The following KAZN variants were observed in gnomAD, a reference collection of about 807,000 sequenced individuals.
KAZN encodes kazrin, periplakin interacting protein.
In KAZN, 40 loss-of-function variants were observed where a neutral mutation model predicts 87.4. The observed-to-expected ratio is 0.46, with a 90% CI of 0.36 to 0.60. The LOEUF (loss-of-function observed/expected upper bound fraction) is 0.60. KAZN is among the 20% of genes least tolerant of loss of function. The pLI is 0.00. For missense variants in KAZN, 898 were observed against 1,073.9 expected, an observed-to-expected ratio of 0.84 and a Z score of 2.29; for synonymous variants, 466 against 458.3, an observed-to-expected ratio of 1.02 and a Z score of -0.22.
At chr1:14,363,914 T>G (rs1659734046) in intron 2 of KAZN, among the ~76,000 whole-genome samples, 1 of 151,374 alleles carries the variant, frequency 6.6e-6, no homozygotes, top group Non-Finnish European at 1.5e-5. Flanking sequence ...TGCGTGTATG[T>G]GTGTATGTAT....
intron 1 of KAZN, among the ~76,000 whole-genome samples, chr1:14,138,707 C>T (rs1286884119): frequency 6.6e-6 from 1 of 152,242 alleles, no homozygotes; most frequent in African/African-American, 2.4e-5. Context: ...ATCGCACCAT[C>T]TCCATCCATG....
intron 2 of KAZN, among the ~76,000 whole-genome samples, chr1:14,491,396 G>A (rs2148408565): frequency 6.6e-6 from 1 of 152,234 alleles, no homozygotes; most frequent in East Asian, 1.9e-4. Flanking sequence ...GTGGTTTGCT[G>A]CACCCATCAA....
rs541319020 is a variant in KAZN at position 14,101,034 on chromosome 1, A to G, written c.92-79401A>G. Among the ~76,000 whole-genome samples the G allele has an allele frequency of 1.8e-4, 28 of 152,306 alleles. No homozygotes were observed. In the South Asian group the frequency reaches 2.5e-3, roughly 14 times the overall value. ...ATAATCGTGAGGCTTCCCCAGCCAC[A>G]TGGAACTGTGAGTTCTCCATTAAAC... On this transcript the variant is annotated intron_variant, in intron 1 of 16. Transcript: ENST00000636203.
intron 1 of KAZN, among the ~76,000 whole-genome samples, chr1:13,990,832 G>A (rs955669445): frequency 1.3e-5 from 2 of 152,204 alleles, no homozygotes; most frequent in Non-Finnish European, 1.5e-5. Context: ...TGCAATAAAT[G>A]TTAATTGTAG....
chr1:14,664,018 T>C (rs1639353493), intron 1 of KAZN, among the ~76,000 whole-genome samples: 1 of 152,258 alleles, frequency 6.6e-6, no homozygotes, highest in Non-Finnish European at 1.5e-5. Context: ...TGACACATGC[T>C]ACCAGATGGG....
At chr1:14,538,694 C>T (rs919845393) in intron 2 of KAZN, among the ~76,000 whole-genome samples, 2 of 152,140 alleles carry the variant, frequency 1.3e-5, no homozygotes, top group African/African-American at 4.8e-5. Context: ...TAGCAGAGGC[C>T]CTGATGCGCC....
chr1:14,376,169 A>G (rs1356844684), intron 2 of KAZN, among the ~76,000 whole-genome samples: 4 of 152,210 alleles, frequency 2.6e-5, no homozygotes, highest in African/African-American at 9.7e-5. Flanking sequence ...CATCTCAATC[A>G]TCATCGAAAG....
At chr1:14,097,131 T>A (rs1294692752) in intron 1 of KAZN, among the ~76,000 whole-genome samples, 1 of 152,078 alleles carries the variant, frequency 6.6e-6, no homozygotes, top group Non-Finnish European at 1.5e-5. Context: ...AAGGTGGAAG[T>A]TGGAAAGTAT....
At chr1:14,963,555 G>A (rs1664129519) in intron 2 of KAZN, among the ~76,000 whole-genome samples, 3 of 152,314 alleles carry the variant, frequency 2.0e-5, no homozygotes, top group South Asian at 2.1e-4. Flanking sequence ...AGTCAGATCT[G>A]GGGGCTTGAA....
intron 1 of KAZN, among the ~76,000 whole-genome samples, chr1:14,829,706 G>A (rs1647001165): frequency 6.6e-6 from 1 of 152,258 alleles, no homozygotes; most frequent in African/African-American, 2.4e-5. Context: ...AGAATGATGT[G>A]TGTGAAGGTC....
chr1:14,198,497 G>A (rs1031549316), intron 2 of KAZN, among the ~76,000 whole-genome samples: 1 of 152,184 alleles, frequency 6.6e-6, no homozygotes, highest in Non-Finnish European at 1.5e-5. Context: ...CTACTCAGGA[G>A]GCTGAGGCAC....
chr1:13,916,669 T>C (rs1429909494), intron 1 of KAZN, among the ~76,000 whole-genome samples: 2 of 152,122 alleles, frequency 1.3e-5, no homozygotes. Flanking sequence ...AGAGCTGTAA[T>C]CAGGATAGCT....
intron 1 of KAZN, among the ~76,000 whole-genome samples, chr1:13,954,738 G>A (rs962405378): frequency 5.3e-5 from 8 of 152,162 alleles, no homozygotes; most frequent in Non-Finnish European, 1.0e-4. Context: ...CTACCTCCAT[G>A]CAATTGCCCA....
chr1:14,621,815 C>G (rs146178222), intron 1 of KAZN, among the ~76,000 whole-genome samples: 6 of 152,124 alleles, frequency 3.9e-5, no homozygotes, highest in African/African-American at 1.4e-4. Context: ...ACTGTGAGGC[C>G]CCCCCTCAAC....
Position 14,054,422 on chromosome 1 carries a change from GGTAGACT to G in KAZN, c.92-126011_92-126005del, listed in dbSNP as rs1557437101. ...CCCTGTAGGCCACTTTGGCATTTTT[GGTAGACT>G]GAATTTGAGTAAATGAAGATGAGAT... On this transcript the variant is annotated intron_variant, in intron 1 of 16. Transcript: ENST00000636203. Among the ~76,000 whole-genome samples the G allele has an allele frequency of 3.9e-5, 6 of 152,160 alleles. 1 individual carries two copies. Among genetic ancestry groups the G allele is most frequent in the Admixed American group, 3.3e-4 (5 of 15,272 alleles).
chr1:14,719,565 G>A lies in KAZN; in HGVS notation c.226+120342G>A, dbSNP rs191667629. 3.9e-5 allele frequency among the ~76,000 whole-genome samples: 6 copies of A among 152,374 alleles called. No homozygotes were observed. In the East Asian group the frequency reaches 5.8e-4, roughly 15 times the overall value. ...AGCAAAAATGAGAAAGAAGCCAGGC[G>A]TGGTGGCTCACACTTGTAATCCGAG... On this transcript the variant is annotated intron_variant, in intron 1 of 14. Coordinates refer to ENST00000376030, the MANE Select transcript of KAZN (RefSeq NM_201628.3).
chr1:14,668,980 G>A (rs1019052744), intron 1 of KAZN, among the ~76,000 whole-genome samples: 1 of 152,210 alleles, frequency 6.6e-6, no homozygotes, highest in African/African-American at 2.4e-5. Flanking sequence ...TTCAGACAGA[G>A]AACATTTATC....
At chr1:14,597,349 T>C (rs566643255), upstream of KAZN, among the ~76,000 whole-genome samples, 130 of 152,264 alleles carry the variant, frequency 8.5e-4, no homozygotes, top group African/African-American at 2.9e-3. Context: ...ACTGTTTTTA[T>C]GGTTCCACAG....
chr1:13,919,261 T>C (rs1392559111), intron 1 of KAZN, among the ~76,000 whole-genome samples: 3 of 152,230 alleles, frequency 2.0e-5, no homozygotes, highest in Non-Finnish European at 4.4e-5. Flanking sequence ...TCTTCCAATA[T>C]AGTGTAGTTT....
Sources: gnomAD v4.1 joint callset for allele counts (sites outside exome capture counted in the v4.1 genomes callset) on GRCh38, gnomAD v4.1.1 for gene constraint, MANE v1.5 for transcripts, NCBI Gene and HGNC (gene_info 2026-07-23, HGNC 2026-07-21) for gene names.